ATG10: variants seen among roughly 807,000 people sequenced by gnomAD.
ATG10 encodes the protein autophagy related 10, also known as ubiquitin-like-conjugating enzyme ATG10.
Under a neutral mutation model 32.1 loss-of-function variants are expected in ATG10, and 30 were observed. The observed-to-expected ratio is 0.94, with a 90% CI of 0.70 to 1.27. ATG10 has a LOEUF of 1.27. ATG10 is among the 50% of genes most tolerant of loss of function. ATG10 has a pLI of 0.00. For synonymous variants in ATG10, 87 were observed against 91.5 expected (o/e 0.95, Z 0.28); for missense variants, 233 against 262.3 (o/e 0.89, Z 0.77).
intron 3 of ATG10, among the ~76,000 whole-genome samples, chr5:82,141,525 G>A (rs1427830819): frequency 6.6e-6 from 1 of 151,766 alleles, no homozygotes; most frequent in East Asian, 1.9e-4. Context: ...AAATGAAGAA[G>A]TAATGCTAAA....
intron 2 of ATG10, chr5:81,992,249 G>A (rs1193747642): frequency 6.6e-6 from 1 of 151,816 alleles, no homozygotes; most frequent in Non-Finnish European, 1.5e-5. Context: ...CTTGGCCTCT[G>A]AAAGTGTTGG....
intron 3 of ATG10, among the ~76,000 whole-genome samples, chr5:82,093,681 C>CATCGATA (rs1404773396): frequency 6.6e-6 from 1 of 152,112 alleles, no homozygotes; most frequent in African/African-American, 2.4e-5. Flanking sequence ...AATTTTTTAT[C>CATCGATA]AGATGCCAGA....
At chr5:82,193,835 T>C in intron 5 of ATG10, among the ~76,000 whole-genome samples, 1 of 152,236 alleles carries the variant, frequency 6.6e-6, no homozygotes, top group East Asian at 1.9e-4. Context: ...CTTTATCGGA[T>C]GATAAAGAAT....
chr5:82,142,850 G>A (rs1767207552), intron 3 of ATG10, among the ~76,000 whole-genome samples: 1 of 152,194 alleles, frequency 6.6e-6, no homozygotes, highest in Non-Finnish European at 1.5e-5. Context: ...ATATGGAGTA[G>A]AAGGGGAAAT....
intron 3 of ATG10, among the ~76,000 whole-genome samples, chr5:82,143,768 G>T (rs751757084): frequency 6.6e-6 from 1 of 152,152 alleles, no homozygotes; most frequent in African/African-American, 2.4e-5. Context: ...ACATATTTTG[G>T]TGGGAGACGG....
chr5:82,189,153 C>T (rs543826101), intron 5 of ATG10, among the ~76,000 whole-genome samples: 1 of 152,258 alleles, frequency 6.6e-6, no homozygotes, highest in African/African-American at 2.4e-5. Context: ...TGTATACATA[C>T]ATTCTCATAT....
At chr5:82,065,190 TC>T (rs1417658225) in intron 3 of ATG10, among the ~76,000 whole-genome samples, 2 of 152,090 alleles carry the variant, frequency 1.3e-5, no homozygotes, top group African/African-American at 4.8e-5. Flanking sequence ...CAATTTAAAA[TC>T]CTCTAAATAT....
chr5:82,026,316 C>A (rs78420053), intron 2 of ATG10, among the ~76,000 whole-genome samples: 1,667 of 152,212 alleles, frequency 0.011, 38 homozygotes, highest in African/African-American at 0.038. Context: ...ATCAGAATTT[C>A]CTTCTTTTTT....
chr5:82,104,895 G>C (rs946427969), intron 3 of ATG10, among the ~76,000 whole-genome samples: 1 of 152,068 alleles, frequency 6.6e-6, no homozygotes, highest in African/African-American at 2.4e-5. Flanking sequence ...ATGTATTTTT[G>C]TTTCAAAGTG....
intron 5 of ATG10, among the ~76,000 whole-genome samples, chr5:82,195,503 A>T (rs1442113999): frequency 1.3e-5 from 2 of 152,100 alleles, no homozygotes; most frequent in Non-Finnish European, 2.9e-5. Flanking sequence ...TGGGAAGGCA[A>T]AGACTATGTT....
chr5:82,028,532 A>G (rs1358741875), intron 2 of ATG10, among the ~76,000 whole-genome samples: 1 of 152,088 alleles, frequency 6.6e-6, no homozygotes, highest in East Asian at 1.9e-4. Context: ...TGACAGAGAA[A>G]CTCTTGTGTA....
At chr5:82,167,175 G>A (rs79070472) in intron 4 of ATG10, among the ~76,000 whole-genome samples, 72 of 151,992 alleles carry the variant, frequency 4.7e-4, no homozygotes, top group African/African-American at 1.7e-3. Context: ...TATTCTTGTC[G>A]CTCCCATGTC....
chr5:82,008,465 C>G (rs1210847611), intron 2 of ATG10, among the ~76,000 whole-genome samples: 1 of 151,996 alleles, frequency 6.6e-6, no homozygotes, highest in Non-Finnish European at 1.5e-5. Context: ...GCAATAATTT[C>G]AAGAAGAACA....
In ATG10 at chr5:81,987,660, G is replaced by A; in HGVS notation, c.90G>A (p.Trp30Ter). The stretch of plus-strand genomic sequence containing the variant: ...ATTCACAACAGATAGGTGATAGTTG[G>A]GAATGGAGACCATCAAAGGTAAGAA... ...IKHSQQIGDSWEWRPSKDCSD... is the reference protein window; with the variant it reads ...IKHSQQIGDS The change falls in exon 2 of 8, where the codon TGG (tryptophan) becomes TGA (stop). Residue 30 changes from tryptophan to a stop codon, truncating the protein, a stop_gained. Transcript: ENST00000282185. LOFTEE classifies it high-confidence loss of function. 1 of 1,607,698 alleles carries A rather than the reference G, an allele frequency of 6.2e-7. No homozygotes were observed. The highest frequency in any genetic ancestry group is 1.7e-5 in the Admixed American group (1 of 59,056).
chr5:82,139,765 G>A (rs868251888), intron 3 of ATG10, among the ~76,000 whole-genome samples: 6 of 128,818 alleles, frequency 4.7e-5, no homozygotes, highest in Admixed American at 2.9e-4. Context: ...GGCGAGGGGC[G>A]CCTCTGCCCG....
At chr5:81,986,746 TA>T (rs1242720243) in intron 1 of ATG10, among the ~76,000 whole-genome samples, 1 of 151,840 alleles carries the variant, frequency 6.6e-6, no homozygotes, top group Non-Finnish European at 1.5e-5. Flanking sequence ...GAAACGGGAA[TA>T]AAAAAACAAA....
chr5:82,170,023 A>G (rs1336152686), intron 4 of ATG10, among the ~76,000 whole-genome samples: 2 of 152,212 alleles, frequency 1.3e-5, no homozygotes, highest in Admixed American at 1.3e-4. Context: ...TGCTAAAGAA[A>G]TGGGAAGTAA....
intron 5 of ATG10, among the ~76,000 whole-genome samples, chr5:82,229,975 T>C (rs1746289697): frequency 6.6e-6 from 1 of 152,146 alleles, no homozygotes; most frequent in South Asian, 2.1e-4. Flanking sequence ...AAGTTACTGA[T>C]CCCTGCACTG....
At chr5:82,230,283 G>A (rs951901822) in intron 5 of ATG10, among the ~76,000 whole-genome samples, 1 of 152,150 alleles carries the variant, frequency 6.6e-6, no homozygotes, top group African/African-American at 2.4e-5. Flanking sequence ...TGTATTGGTG[G>A]CAATAATGTA....
Sources: allele counts gnomAD v4.1 joint callset (sites outside exome capture counted in the v4.1 genomes callset), GRCh38; gene constraint gnomAD v4.1.1; transcripts MANE v1.5; gene names NCBI Gene and HGNC (gene_info 2026-07-23, HGNC 2026-07-21).